The following GLIS3 variants were observed in gnomAD, a reference collection of about 807,000 sequenced individuals.
GLIS3 encodes zinc finger protein GLIS3.
A neutral mutation model predicts 78.6 loss-of-function variants in GLIS3; 53 were observed. The observed-to-expected ratio is 0.67, with a 90% CI of 0.54 to 0.85. GLIS3 has a LOEUF of 0.85. Among genes scored for constraint, GLIS3 ranks in the 40% least tolerant of loss-of-function variants. The pLI, the probability that GLIS3 is intolerant of heterozygous loss-of-function variation, is 0.00. For synonymous variants in GLIS3, 684 were observed against 509.9 expected (o/e 1.34, Z -4.60); for missense variants, 1,703 against 1,231.1 (o/e 1.38, Z -5.74).
chr9:3,992,127 C>G (rs1181767570), intron 4 of GLIS3, among the ~76,000 whole-genome samples: 2 of 152,174 alleles, frequency 1.3e-5, no homozygotes, highest in African/African-American at 2.4e-5. Context: ...GCAGCTCTGT[C>G]TGTTCCTGTC....
rs1588256138 is a variant in GLIS3 at position 3,931,793 on chromosome 9, T to C, written c.1983+567A>G. 2.0e-5 allele frequency among the ~76,000 whole-genome samples: 3 copies of C among 152,312 alleles called. No individual in the cohort carries two copies. The South Asian group carries it at 6.2e-4, about 32-fold the overall frequency. ...ACTTTGAAAATGCGTTCACCCCTCA[T>C]TAATGTCAAAGTGGTTTTAAGTTCA... On this transcript the variant is annotated intron_variant, in intron 6 of 10. Coordinates refer to ENST00000381971, the MANE Select transcript of GLIS3 (RefSeq NM_001042413.2).
At chr9:4,261,056 G>C (rs1044023394) in intron 2 of GLIS3, among the ~76,000 whole-genome samples, 10 of 152,188 alleles carry the variant, frequency 6.6e-5, no homozygotes, top group African/African-American at 2.2e-4. Flanking sequence ...TAGAATTAGA[G>C]ATGTTTAAGC....
At chr9:4,461,776 C>T in the GLIS3 span, among the ~76,000 whole-genome samples, 1 of 152,172 alleles carries the variant, frequency 6.6e-6, no homozygotes, top group Non-Finnish European at 1.5e-5. Context: ...GCATTACACC[C>T]TCAGCATAGG....
intron 4 of GLIS3, among the ~76,000 whole-genome samples, chr9:4,094,573 T>C (rs903243970): frequency 1.3e-5 from 2 of 152,204 alleles, no homozygotes; most frequent in East Asian, 1.9e-4. Flanking sequence ...GCAAATACAA[T>C]TGAACATTCA....
At chr9:4,196,588 A>G (rs1243208979) in intron 2 of GLIS3, among the ~76,000 whole-genome samples, 4 of 152,182 alleles carry the variant, frequency 2.6e-5, no homozygotes. Flanking sequence ...CGCTGCCTTA[A>G]GAGCTGTAAC....
At chr9:4,345,161 C>T (rs1173589989) in intron 2 of GLIS3, among the ~76,000 whole-genome samples, 1 of 152,204 alleles carries the variant, frequency 6.6e-6, no homozygotes, top group Non-Finnish European at 1.5e-5. Context: ...CAATCTGACT[C>T]ATCCTTTCCT....
chr9:4,011,178 G>C (rs992495677), intron 4 of GLIS3, among the ~76,000 whole-genome samples: 1 of 152,138 alleles, frequency 6.6e-6, no homozygotes, highest in South Asian at 2.1e-4. Context: ...TGCATAGGAA[G>C]CGCTACAGCA....
chr9:4,102,202 T>G (rs1013974534), intron 4 of GLIS3, among the ~76,000 whole-genome samples: 1 of 152,196 alleles, frequency 6.6e-6, no homozygotes, highest in Non-Finnish European at 1.5e-5. Context: ...GTCAACTAAG[T>G]ACTTGGAACA....
intron 4 of GLIS3, among the ~76,000 whole-genome samples, chr9:4,095,147 T>G (rs1244334241): frequency 6.6e-6 from 1 of 152,162 alleles, no homozygotes; most frequent in Non-Finnish European, 1.5e-5. Context: ...TAGCTGTAAT[T>G]TTGTATCCTT....
intron 2 of GLIS3, among the ~76,000 whole-genome samples, chr9:4,195,642 G>T (rs1190192842): frequency 6.6e-6 from 1 of 152,270 alleles, no homozygotes. Context: ...CACAGCGCCT[G>T]GTCCCATCGA....
chr9:4,286,529 T>C lies in GLIS3; in HGVS notation c.-98-6A>G, dbSNP rs867264324. Reference sequence around the variant, plus strand: ...CCATGGTGTGGGTTATAAGCCTGTTTAAAAAAATAAACGCAGGCATTTTTA... The same window carrying C: ...CCATGGTGTGGGTTATAAGCCTGTTCAAAAAAATAAACGCAGGCATTTTTA... On this transcript the variant is annotated splice_region_variant and splice_polypyrimidine_tract_variant and intron_variant, in intron 1 of 10. Transcript: ENST00000381971. 3.6e-6 allele frequency: 5 copies of C among 1,373,800 alleles called. No individual in the cohort carries two copies. The African/African-American group carries it at 5.7e-5, about 16-fold the overall frequency. 85.1% of individuals were successfully genotyped at this position (1,373,800 alleles called of 1,614,324 possible).
chr9:4,171,034 T>C (rs1816329295), intron 2 of GLIS3, among the ~76,000 whole-genome samples: 1 of 152,232 alleles, frequency 6.6e-6, no homozygotes, highest in South Asian at 2.1e-4. Flanking sequence ...ATCAAGCTTC[T>C]ATCAAAAGAT....
intron 6 of GLIS3, among the ~76,000 whole-genome samples, chr9:3,906,439 G>A (rs1047707329): frequency 6.6e-6 from 1 of 152,176 alleles, no homozygotes; most frequent in Admixed American, 6.5e-5. Flanking sequence ...TGTAATATGA[G>A]AGAAACACAG....
At chr9:4,238,270 T>G (rs1014740600) in intron 2 of GLIS3, among the ~76,000 whole-genome samples, 1 of 150,340 alleles carries the variant, frequency 6.7e-6, no homozygotes, top group Non-Finnish European at 1.5e-5. Context: ...TAGAACTCAG[T>G]ATTTAATCCT....
At chr9:4,338,367 T>C (rs886638453) in intron 2 of GLIS3, among the ~76,000 whole-genome samples, 4 of 131,724 alleles carry the variant, frequency 3.0e-5, no homozygotes, top group Non-Finnish European at 4.8e-5. Context: ...TATATGTGTG[T>C]ACACACACAC....
At chr9:4,068,006 G>A (rs1199362691) in intron 4 of GLIS3, among the ~76,000 whole-genome samples, 1 of 152,024 alleles carries the variant, frequency 6.6e-6, no homozygotes. Context: ...AAGTCAGAGA[G>A]CATTATGCTA....
chr9:4,328,702 G>C (rs1302641811), intron 2 of GLIS3, among the ~76,000 whole-genome samples: 1 of 152,236 alleles, frequency 6.6e-6, no homozygotes, highest in African/African-American at 2.4e-5. Context: ...GACCTTGGGT[G>C]AATTTCTTAG....
In GLIS3 at chr9:3,887,159, C is replaced by T. The variant is rs60895507; in HGVS notation, c.2129-7564G>A. On this transcript the variant is annotated intron_variant, in intron 7 of 10. Coordinates refer to ENST00000381971, the MANE Select transcript of GLIS3 (RefSeq NM_001042413.2). ...CTTCCCACTTTGCAGTGTAGACTAT[C>T]ATTATCCAGCAGCCCTGATAAGAGG... Among the ~76,000 whole-genome samples the T allele has an allele frequency of 9.9e-4, 151 of 152,214 alleles. 1 individual carries two copies. The highest frequency in any genetic ancestry group is 3.6e-3 in the African/African-American group (148 of 41,538).
intron 6 of GLIS3, among the ~76,000 whole-genome samples, chr9:3,902,180 C>T (rs1046051800): frequency 6.6e-6 from 1 of 152,172 alleles, no homozygotes; most frequent in African/African-American, 2.4e-5. Context: ...TTGGTTTTCT[C>T]TGGGATTAGG....
Sources: allele counts gnomAD v4.1 joint callset (sites outside exome capture counted in the v4.1 genomes callset), GRCh38; gene constraint gnomAD v4.1.1; transcripts MANE v1.5; gene names NCBI Gene and HGNC (gene_info 2026-07-23, HGNC 2026-07-21).